The following FER1L6 variants were observed in gnomAD, a reference collection of about 807,000 sequenced individuals.
FER1L6 encodes fer-1 like family member 6.
FER1L6 carries 177 observed loss-of-function variants against 219.2 expected under a neutral mutation model. That is an observed-to-expected ratio of 0.81 (90% CI 0.71 to 0.91). FER1L6 has a LOEUF of 0.91. FER1L6 is among the 40% of genes least tolerant of loss of function. The probability of loss-of-function intolerance (pLI) is 0.00; values close to 1 mark genes in which losing one functional copy is unlikely to be tolerated. For synonymous variants in FER1L6, 768 were observed against 824.3 expected (o/e 0.93, Z 1.17); for missense variants, 2,153 against 2,259.9 (o/e 0.95, Z 0.96).
chr8:123,976,721 G>C (rs1441947653), intron 9 of FER1L6, among the ~76,000 whole-genome samples: 1 of 152,086 alleles, frequency 6.6e-6, no homozygotes, highest in Non-Finnish European at 1.5e-5. Flanking sequence ...CTCCTGACCT[G>C]TTCCACAATC....
chr8:123,917,785 C>G (rs900238605), intron 1 of FER1L6, among the ~76,000 whole-genome samples: 1 of 152,184 alleles, frequency 6.6e-6, no homozygotes. Context: ...TCGCATTATT[C>G]ATGCTGTTCT....
chr8:123,912,721 A>G (rs4388448), intron 1 of FER1L6, among the ~76,000 whole-genome samples: 89,899 of 151,952 alleles, frequency 0.59, 26,884 homozygotes, highest in South Asian at 0.71. Flanking sequence ...TTCAAGCCAC[A>G]GCAGTTTAAC....
At chr8:123,930,339 C>T (rs1479859370) in intron 1 of FER1L6, among the ~76,000 whole-genome samples, 1 of 139,850 alleles carries the variant, frequency 7.2e-6, no homozygotes, top group East Asian at 2.2e-4. Flanking sequence ...CAGCTTCCTC[C>T]CTCCCTGACA....
chr8:124,064,097 A>T (rs990895339), intron 25 of FER1L6, among the ~76,000 whole-genome samples: 1 of 152,184 alleles, frequency 6.6e-6, no homozygotes, highest in African/African-American at 2.4e-5. Flanking sequence ...TACTTTGAGG[A>T]ATCAATAACA....
chr8:123,920,222 T>C (rs1813319861), intron 1 of FER1L6, among the ~76,000 whole-genome samples: 1 of 152,162 alleles, frequency 6.6e-6, no homozygotes, highest in African/African-American at 2.4e-5. Context: ...CAAGTGGACT[T>C]GGTCATCAGG....
chr8:124,114,286 T>C (rs1823141931), intron 39 of FER1L6, among the ~76,000 whole-genome samples: 1 of 152,130 alleles, frequency 6.6e-6, no homozygotes, highest in Non-Finnish European at 1.5e-5. Context: ...ATTTTAGAAT[T>C]CAGAGTTGGT....
chr8:124,048,239 G>T (rs1171537553), intron 21 of FER1L6, among the ~76,000 whole-genome samples: 3 of 152,218 alleles, frequency 2.0e-5, no homozygotes, highest in African/African-American at 7.2e-5. Flanking sequence ...GAAGCAGTGT[G>T]ACTGCTAAAA....
chr8:123,948,672 T>C (rs1020973553), intron 1 of FER1L6, among the ~76,000 whole-genome samples: 1 of 152,226 alleles, frequency 6.6e-6, no homozygotes, highest in Non-Finnish European at 1.5e-5. Context: ...ACTTTGTTTC[T>C]AGGTATCCTG....
rs530131367 is a variant in FER1L6 at position 124,104,140 on chromosome 8, TGA to T, written c.5289+835_5289+836del. 6.2e-4 allele frequency among the ~76,000 whole-genome samples: 94 copies of T among 152,322 alleles called. 1 individual carries two copies. The highest frequency in any genetic ancestry group is 2.2e-3 in the African/African-American group (92 of 41,578). On this transcript the variant is annotated intron_variant, in intron 39 of 40. Transcript: ENST00000522917. ...TGGTGTCTAGTTCTATTGTATTTTC[TGA>T]GAGTTTGTCTCTTCTATCCATTCTT...
At position 124,094,932 on chromosome 8, in the gene FER1L6, A is replaced by C; in HGVS notation, c.4589A>C (p.Lys1530Thr). 7.4e-6 allele frequency: 12 copies of C among 1,614,108 alleles called. No individual in the cohort carries two copies. The highest frequency in any genetic ancestry group is 1.0e-5 in the Non-Finnish European group (12 of 1,179,956). Reference protein sequence around the residue: ...TVESYEHLALKVLHSWEDIPE... With the variant: ...TVESYEHLALTVLHSWEDIPE... ...GAGTCTTATGAACACCTGGCCCTCAAGGTTTTACACTCTTGGGAGGATATC... is the reference window on the plus strand; with the variant it reads ...GAGTCTTATGAACACCTGGCCCTCACGGTTTTACACTCTTGGGAGGATATC... The change falls in exon 35 of 41, where the codon AAG (lysine) becomes ACG (threonine). Residue 1530 changes from lysine to threonine, a missense_variant. By Grantham distance (78) the Lys-to-Thr change is moderately conservative. Coordinates refer to ENST00000522917, the MANE Select transcript of FER1L6 (RefSeq NM_001039112.2).
chr8:123,899,935 C>T (rs1362224910), intron 1 of FER1L6, among the ~76,000 whole-genome samples: 6 of 152,152 alleles, frequency 3.9e-5, no homozygotes, highest in East Asian at 1.9e-4. Context: ...AGTGTGATGC[C>T]TCCAGATTTG....
In FER1L6 at chr8:123,977,538, T is replaced by A. The variant is rs757337549; in HGVS notation, c.992T>A (p.Met331Lys). Residue 331 changes from methionine (M) to lysine (K), a missense_variant, in exon 10 of 41, where the codon ATG becomes AAG. Physicochemically the swap from Met to Lys is moderately conservative, Grantham distance 95. Coordinates refer to ENST00000522917, the MANE Select transcript of FER1L6 (RefSeq NM_001039112.2). Reference sequence around the variant, plus strand: ...ATCCAGGTGTGGGATGAAGGCAGCATGAATGACGTAGCCCTGGCAACCCAT... The same window carrying A: ...ATCCAGGTGTGGGATGAAGGCAGCAAGAATGACGTAGCCCTGGCAACCCAT... ...VKIQVWDEGS[M>K]NDVALATHFI... The A allele has an allele frequency of 5.6e-6, 9 of 1,614,092 alleles. No homozygotes were observed. Among genetic ancestry groups the A allele is most frequent in the Non-Finnish European group, 7.6e-6 (9 of 1,179,996 alleles).
chr8:124,020,804 G>T (rs1250767807), intron 16 of FER1L6, among the ~76,000 whole-genome samples: 2 of 152,184 alleles, frequency 1.3e-5, no homozygotes, highest in African/African-American at 2.4e-5. Flanking sequence ...ACAGTGGTTA[G>T]AATGTTGCCT....
chr8:123,866,666 T>G (rs542287852), intron 1 of FER1L6, among the ~76,000 whole-genome samples: 1 of 152,314 alleles, frequency 6.6e-6, no homozygotes, highest in African/African-American at 2.4e-5. Context: ...ATCATTAGGC[T>G]CGAGTGCAGT....
chr8:123,963,471 C>T lies in FER1L6; in HGVS notation c.197+73C>T, dbSNP rs1815396683. The T allele has an allele frequency of 3.2e-6, 5 of 1,548,102 alleles. 1 individual carries two copies. In the African/African-American group the frequency reaches 4.1e-5, roughly 13 times the overall value. On this transcript the variant is annotated intron_variant, in intron 3 of 40. Coordinates refer to ENST00000522917, the MANE Select transcript of FER1L6 (RefSeq NM_001039112.2). ...TATGTGCCAAGCACCTCTACAGGTG[C>T]TGGGAGAAGAGAGGAGAGTAAGACA...
At chr8:123,868,848 G>C (rs955142126) in intron 1 of FER1L6, among the ~76,000 whole-genome samples, 9 of 152,172 alleles carry the variant, frequency 5.9e-5, no homozygotes, top group Admixed American at 5.9e-4. Context: ...CCAAAGAGTT[G>C]CCAGACATTT....
chr8:124,080,935 T>C (rs73703939), intron 32 of FER1L6, among the ~76,000 whole-genome samples: 2,676 of 152,294 alleles, frequency 0.018, 78 homozygotes, highest in African/African-American at 0.061. Flanking sequence ...ATCCCTGGCC[T>C]GCTACAGCCA....
At chr8:123,887,237 CT>C (rs1160199581) in intron 1 of FER1L6, among the ~76,000 whole-genome samples, 1 of 152,160 alleles carries the variant, frequency 6.6e-6, no homozygotes, top group African/African-American at 2.4e-5. Context: ...GTAAAGCCTT[CT>C]TTCTTGGCAA....
intron 16 of FER1L6, among the ~76,000 whole-genome samples, chr8:124,019,631 A>G (rs1310162604): frequency 2.0e-5 from 3 of 152,308 alleles, no homozygotes; most frequent in Middle Eastern, 3.4e-3. Context: ...TTCTAGATTG[A>G]GTAGTTCATT....
Sources: gnomAD v4.1 joint callset for allele counts (sites outside exome capture counted in the v4.1 genomes callset) on GRCh38, gnomAD v4.1.1 for gene constraint, MANE v1.5 for transcripts, NCBI Gene and HGNC (gene_info 2026-07-23, HGNC 2026-07-21) for gene names.